The following GALNT13 variants were observed in gnomAD, a reference collection of about 807,000 sequenced individuals.
GALNT13 encodes the protein UDP-GalNAc:polypeptide N-acetylgalactosaminyltransferase 13.
GALNT13 carries 28 observed loss-of-function variants against 64.2 expected under a neutral mutation model. The observed-to-expected ratio is 0.44, with a 90% CI of 0.32 to 0.60. GALNT13 has a LOEUF of 0.60. GALNT13 is among the 20% of genes least tolerant of loss of function. The pLI, the probability that GALNT13 is intolerant of heterozygous loss-of-function variation, is 0.05. For missense variants in GALNT13, 577 were observed against 669.8 expected, an observed-to-expected ratio of 0.86 and a Z score of 1.53; for synonymous variants, 214 against 224.6, an observed-to-expected ratio of 0.95 and a Z score of 0.42.
the GALNT13 span, among the ~76,000 whole-genome samples, chr2:153,387,564 A>G: frequency 6.6e-6 from 1 of 152,050 alleles, no homozygotes; most frequent in Non-Finnish European, 1.5e-5. Flanking sequence ...GGTATCAAAT[A>G]TTATTATTAA....
chr2:153,530,938 G>T, the GALNT13 span, among the ~76,000 whole-genome samples: 1 of 152,250 alleles, frequency 6.6e-6, no homozygotes, highest in East Asian at 1.9e-4. Flanking sequence ...TGAAACTACT[G>T]CAAGAAAACA....
chr2:153,376,565 A>C, the GALNT13 span, among the ~76,000 whole-genome samples: 1 of 152,282 alleles, frequency 6.6e-6, no homozygotes, highest in Non-Finnish European at 1.5e-5. Flanking sequence ...GCATGGGTTG[A>C]ACACATACAA....
chr2:153,526,978 A>G, the GALNT13 span, among the ~76,000 whole-genome samples: 1 of 152,198 alleles, frequency 6.6e-6, no homozygotes, highest in Non-Finnish European at 1.5e-5. Context: ...CTATTTGAAA[A>G]TACACAGTCT....
chr2:153,860,206 T>A, the GALNT13 span, among the ~76,000 whole-genome samples: 14 of 152,208 alleles, frequency 9.2e-5, no homozygotes, highest in Non-Finnish European at 1.5e-4. Context: ...TATGATAAAA[T>A]AATGCTTTGT....
At chr2:153,491,864 T>A in the GALNT13 span, among the ~76,000 whole-genome samples, 1 of 152,186 alleles carries the variant, frequency 6.6e-6, no homozygotes, top group African/African-American at 2.4e-5. Flanking sequence ...GTGATCTGCC[T>A]GCCTCGGCCT....
At chr2:154,015,546 C>T (rs537030464) in intron 3 of GALNT13, among the ~76,000 whole-genome samples, 2 of 152,236 alleles carry the variant, frequency 1.3e-5, no homozygotes, top group East Asian at 3.9e-4. Context: ...TGGGAGAAAA[C>T]GCAGCTATCA....
rs537193219 is a variant in GALNT13, at chr2:154,303,133, G to T, written c.1156+1544G>T. 1.4e-4 allele frequency among the ~76,000 whole-genome samples: 21 copies of T among 152,140 alleles called. 1 individual carries two copies. In the South Asian group the frequency reaches 4.2e-3, roughly 30 times the overall value. On this transcript the variant is annotated intron_variant, in intron 9 of 12. Transcript: ENST00000392825. ...TCTCATGCCAAGAAAATTTAGGACA[G>T]GGACACACACGAGGAGTTTAGGAGT...
intron 9 of GALNT13, among the ~76,000 whole-genome samples, chr2:154,331,487 G>A (rs1658404729): frequency 6.6e-6 from 1 of 151,364 alleles, no homozygotes; most frequent in Admixed American, 6.6e-5. Flanking sequence ...TTTTTAAAAT[G>A]TAGAGACTGG....
At chr2:153,235,109 T>G in the GALNT13 span, among the ~76,000 whole-genome samples, 1 of 152,090 alleles carries the variant, frequency 6.6e-6, no homozygotes, top group Non-Finnish European at 1.5e-5. Flanking sequence ...TAAACATGTG[T>G]GTGTTTAGAC....
chr2:153,676,200 G>C, the GALNT13 span, among the ~76,000 whole-genome samples: 1 of 151,966 alleles, frequency 6.6e-6, no homozygotes, highest in African/African-American at 2.4e-5. Flanking sequence ...CAATTCACCA[G>C]GAATACAAAA....
At chr2:154,377,698 C>T (rs986681426) in intron 9 of GALNT13, among the ~76,000 whole-genome samples, 8 of 152,142 alleles carry the variant, frequency 5.3e-5, no homozygotes, top group African/African-American at 1.9e-4. Context: ...ATGTCCCAGG[C>T]ATTCCTCTAG....
the GALNT13 span, among the ~76,000 whole-genome samples, chr2:153,283,190 C>A: frequency 1.3e-5 from 2 of 152,190 alleles, no homozygotes. Context: ...TCTACAGTTT[C>A]CCTGATGGCG....
chr2:153,744,247 C>A, the GALNT13 span, among the ~76,000 whole-genome samples: 2 of 151,978 alleles, frequency 1.3e-5, no homozygotes, highest in African/African-American at 4.8e-5. Flanking sequence ...TTTTGAGAAA[C>A]CTCCAAACTG....
the GALNT13 span, among the ~76,000 whole-genome samples, chr2:153,483,665 C>G: frequency 4.6e-5 from 7 of 152,146 alleles, no homozygotes; most frequent in Non-Finnish European, 1.5e-5. Context: ...ATCCACCTAC[C>G]TTGGCCTCCC....
the GALNT13 span, among the ~76,000 whole-genome samples, chr2:153,092,473 T>C: frequency 6.6e-6 from 1 of 152,180 alleles, no homozygotes; most frequent in African/African-American, 2.4e-5. Flanking sequence ...AATCCAAGAA[T>C]GTGGAATATT....
the GALNT13 span, among the ~76,000 whole-genome samples, chr2:153,443,457 T>C: frequency 6.6e-6 from 1 of 152,222 alleles, no homozygotes; most frequent in Non-Finnish European, 1.5e-5. Context: ...TTTCCCATTT[T>C]CCCTCACTTT....
At chr2:153,829,144 C>A in the GALNT13 span, among the ~76,000 whole-genome samples, 1 of 152,124 alleles carries the variant, frequency 6.6e-6, no homozygotes, top group South Asian at 2.1e-4. Flanking sequence ...ATTTTCCTGT[C>A]TTTTTCTGAG....
At chr2:153,400,440 A>G in the GALNT13 span, among the ~76,000 whole-genome samples, 3 of 152,220 alleles carry the variant, frequency 2.0e-5, no homozygotes, top group African/African-American at 7.2e-5. Flanking sequence ...CTAGCCTCAT[A>G]AAATGAGTTA....
At chr2:153,540,688 C>A in the GALNT13 span, among the ~76,000 whole-genome samples, 1 of 152,170 alleles carries the variant, frequency 6.6e-6, no homozygotes, top group Non-Finnish European at 1.5e-5. Flanking sequence ...AACAGTGTGA[C>A]CTGGATGTGA....
Sources: allele counts gnomAD v4.1 joint callset (sites outside exome capture counted in the v4.1 genomes callset), GRCh38; gene constraint gnomAD v4.1.1; transcripts MANE v1.5; gene names NCBI Gene and HGNC (gene_info 2026-07-23, HGNC 2026-07-21).